PRR14L: variants seen among roughly 807,000 people sequenced by gnomAD.
The protein encoded by PRR14L is protein PRR14L.
A neutral mutation model predicts 155.0 loss-of-function variants in PRR14L; 80 were observed. The observed-to-expected ratio is 0.52, with a 90% CI of 0.43 to 0.62. PRR14L has a LOEUF of 0.62. Ranked by LOEUF, PRR14L falls within the 20% of genes least tolerant of loss-of-function variation. The pLI is 0.00. For missense variants in PRR14L, 2,469 were observed against 2,548.0 expected, an observed-to-expected ratio of 0.97 and a Z score of 0.67; for synonymous variants, 883 against 916.0, an observed-to-expected ratio of 0.96 and a Z score of 0.65.
At chr22:31,709,767 C>G (rs1448780632) in intron 4 of PRR14L, among the ~76,000 whole-genome samples, 1 of 151,544 alleles carries the variant, frequency 6.6e-6, no homozygotes, top group Non-Finnish European at 1.5e-5. Flanking sequence ...TCTCGAACTC[C>G]TGACCTCAGG....
At chr22:31,706,119 G>A (rs999547269) in intron 4 of PRR14L, among the ~76,000 whole-genome samples, 1 of 150,860 alleles carries the variant, frequency 6.6e-6, no homozygotes, top group Non-Finnish European at 1.5e-5. Context: ...ATCACCTGAG[G>A]TGAGGAATTC....
intron 1 of PRR14L, among the ~76,000 whole-genome samples, chr22:31,741,866 C>T (rs1007348168): frequency 1.3e-5 from 2 of 152,150 alleles, no homozygotes; most frequent in Admixed American, 6.5e-5. Context: ...AGTGAGACTC[C>T]GTCTCAAAAA....
intron 2 of PRR14L, among the ~76,000 whole-genome samples, chr22:31,736,370 G>A (rs1459654849): frequency 6.9e-6 from 1 of 145,538 alleles, no homozygotes; most frequent in Non-Finnish European, 1.5e-5. Context: ...TGGGCAATAA[G>A]AGCGAAACTC....
At chr22:31,709,785 C>T (rs185262761) in intron 4 of PRR14L, among the ~76,000 whole-genome samples, 1 of 151,966 alleles carries the variant, frequency 6.6e-6, no homozygotes, top group African/African-American at 2.4e-5. Flanking sequence ...AGGTGATCTG[C>T]CGGCCGCAGC....
chr22:31,706,152 T>G (rs969945609), intron 4 of PRR14L, among the ~76,000 whole-genome samples: 4 of 151,740 alleles, frequency 2.6e-5, no homozygotes, highest in African/African-American at 9.7e-5. Flanking sequence ...GCCAACACGA[T>G]GAAACCCTGT....
Position 31,738,665 on chromosome 22 carries a change from C to G in PRR14L, c.196G>C (p.Glu66Gln). 1.3e-6 allele frequency: 2 copies of G among 1,552,038 alleles called. No individual in the cohort carries two copies. Among genetic ancestry groups the G allele is most frequent in the Non-Finnish European group, 1.7e-6 (2 of 1,147,072 alleles). The change falls in exon 2 of 9, where the codon GAG (glutamate) becomes CAG (glutamine). Residue 66 changes from glutamate to glutamine, a missense_variant. Transcript: ENST00000327423. ...CTCTCCACATGAGTCCTCTGCAGCT[C>G]CAAGGGCAATGCCCTATTCTGACTT... is the stretch of plus-strand genomic sequence containing the variant. The part of the protein sequence containing the change: ...LLSQNRALPL[E>Q]LQRTHVESCC...
chr22:31,698,570 TAA>T (rs1485467435), intron 7 of PRR14L, among the ~76,000 whole-genome samples: 1 of 151,792 alleles, frequency 6.6e-6, no homozygotes, highest in Non-Finnish European at 1.5e-5. Context: ...GAGACTTATA[TAA>T]ATCAATAGAT....
chr22:31,733,137 G>A (rs1436740955), intron 2 of PRR14L, among the ~76,000 whole-genome samples: 2 of 151,502 alleles, frequency 1.3e-5, no homozygotes, highest in East Asian at 3.9e-4. Context: ...ACAGGCGACC[G>A]CCACACGCCC....
rs939192807 is a variant in PRR14L at position 31,715,617 on chromosome 22, T to C, written c.2222A>G (p.Glu741Gly). Residue 741 changes from glutamate to glycine, a missense_variant, in exon 4 of 9, where the codon GAG (glutamate) becomes GGG (glycine). By Grantham distance (98) the Glu-to-Gly change is moderately conservative. Transcript: ENST00000327423. ...TGAATCAGCCATTTCCTTTTTTCTC[T>C]CTAGGCTTACTGGTTTGATGTTTAA... ...PTLNIKPVSLERKKEMADSGT... is the reference protein window; with the variant it reads ...PTLNIKPVSLGRKKEMADSGT... 6.4e-6 allele frequency: 10 copies of C among 1,552,080 alleles called. No individual in the cohort carries two copies. The highest frequency in any genetic ancestry group is 7.8e-6 in the Non-Finnish European group (9 of 1,147,072).
chr22:31,747,808 C>CAAAAAA (rs560956513), intron 1 of PRR14L, among the ~76,000 whole-genome samples: 1 of 112,078 alleles, frequency 8.9e-6, no homozygotes, highest in Non-Finnish European at 1.9e-5. Context: ...CCTATCCCAC[C>CAAAAAA]AAAAAAAAAA....
chr22:31,704,841 A>T, intron 4 of PRR14L, 115 bp from the exon 5 acceptor site: 3 of 691,060 alleles, frequency 4.3e-6, no homozygotes, highest in Non-Finnish European at 5.0e-6. Flanking sequence ...AAGAAATGTC[A>T]GTTACTCAGA....
intron 8 of PRR14L, among the ~76,000 whole-genome samples, chr22:31,686,943 G>A (rs917377161): frequency 1.5e-4 from 23 of 152,054 alleles, no homozygotes; most frequent in Non-Finnish European, 3.4e-4. Context: ...CCTGTATTTC[G>A]GTTTACAATC....
rs563834873 is a variant in PRR14L, at chr22:31,686,726, G to C, written c.6180-923C>G. ...TGCGATTACAGGCATGTGCCACTGT[G>C]CCTGGCTCTGATTCGTTTTTTTTAA... On this transcript the variant is annotated intron_variant, in intron 8 of 8. Transcript: ENST00000327423. Among the ~76,000 whole-genome samples, 7 of 151,826 alleles carry C rather than the reference G, an allele frequency of 4.6e-5. No individual in the cohort carries two copies. The South Asian group carries it at 1.5e-3, about 32-fold the overall frequency.
At chr22:31,691,633 A>C (rs1412527141) in intron 7 of PRR14L, among the ~76,000 whole-genome samples, 1 of 152,238 alleles carries the variant, frequency 6.6e-6, no homozygotes, top group Non-Finnish European at 1.5e-5. Context: ...TAAGGATTCT[A>C]GACTTTTCAT....
intron 3 of PRR14L, among the ~76,000 whole-genome samples, chr22:31,722,976 T>C (rs1219968688): frequency 6.6e-6 from 1 of 152,230 alleles, no homozygotes; most frequent in African/African-American, 2.4e-5. Flanking sequence ...ATATTGCTCA[T>C]GCTCCCAGGG....
chr22:31,716,881 T>G lies in PRR14L; in HGVS notation c.958A>C (p.Asn320His), dbSNP rs1203323451. The change falls in exon 4 of 9, where the codon AAT becomes CAT. Residue 320 changes from asparagine (N) to histidine (H), a missense_variant. Physicochemically the swap from Asn to His is moderately conservative, Grantham distance 68. This residue lies in a region of PRR14L where 2,363 missense variants were observed against 2,371.6 expected (regional missense o/e 1.00). Transcript: ENST00000327423. ...DNHQQLHGHH[N>H]EQPSSTHDSP... Reference sequence around the variant, plus strand: ...TCATGTGTAGAACTGGGTTGTTCATTATGGTGGCCATGAAGCTGTTGGTGA... The same window carrying G: ...TCATGTGTAGAACTGGGTTGTTCATGATGGTGGCCATGAAGCTGTTGGTGA... The G allele has an allele frequency of 7.1e-6, 11 of 1,551,746 alleles. No individual in the cohort carries two copies. Among genetic ancestry groups the G allele is most frequent in the Non-Finnish European group, 9.6e-6 (11 of 1,147,050 alleles).
intron 1 of PRR14L, among the ~76,000 whole-genome samples, chr22:31,744,204 C>G (rs998658415): frequency 4.0e-5 from 6 of 151,110 alleles, no homozygotes; most frequent in Non-Finnish European, 4.4e-5. Flanking sequence ...GCGATCTTAG[C>G]TCACCACAAT....
Position 31,715,979 on chromosome 22 carries a change from A to C in PRR14L, c.1860T>G (p.Ile620Met), listed in dbSNP as rs938804160. 1.0e-5 allele frequency: 16 copies of C among 1,551,564 alleles called. No homozygotes were observed. Among genetic ancestry groups the C allele is most frequent in the Non-Finnish European group, 1.4e-5 (16 of 1,146,970 alleles). Reference protein sequence around the residue: ...EKVIQTSHDDIPLLDEQSIAC... With the variant: ...EKVIQTSHDDMPLLDEQSIAC... ...CTATGCTCTGTTCATCTAAAAGTGG[A>C]ATATCATCATGTGAGGTCTGTATAA... Residue 620 changes from isoleucine to methionine, a missense_variant, in exon 4 of 9, where the codon ATT becomes ATG. By Grantham distance (10) the Ile-to-Met change is conservative. This residue lies in a region of PRR14L where 2,363 missense variants were observed against 2,371.6 expected (regional missense o/e 1.00). Coordinates refer to ENST00000327423, the MANE Select transcript of PRR14L (RefSeq NM_173566.3).
chr22:31,694,355 C>T (rs1452901450), intron 7 of PRR14L, among the ~76,000 whole-genome samples: 1 of 152,148 alleles, frequency 6.6e-6, no homozygotes, highest in African/African-American at 2.4e-5. Context: ...CAGGCGTGAG[C>T]TACCACGCCC....
Sources: gnomAD v4.1 joint callset for allele counts (sites outside exome capture counted in the v4.1 genomes callset) on GRCh38, gnomAD v4.1.1 for gene constraint, gnomAD v4.1.1 regional missense constraint, MANE v1.5 for transcripts, NCBI Gene and HGNC (gene_info 2026-07-23, HGNC 2026-07-21) for gene names.